Variants in GP2 observed in about 807,000 individuals in gnomAD.
GP2 encodes the protein glycoprotein 2.
GP2 carries 58 observed loss-of-function variants against 60.8 expected under a neutral mutation model. The ratio of observed to expected loss-of-function variants is 0.95; its 90% CI spans 0.77 to 1.19. The LOEUF (loss-of-function observed/expected upper bound fraction) is 1.19, where lower values mean the gene tolerates loss of function less well. GP2 is among the 50% of genes most tolerant of loss of function. GP2 has a pLI of 0.00. For missense variants in GP2, 647 were observed against 667.4 expected (o/e 0.97, Z 0.34); for synonymous variants, 280 against 253.4 (o/e 1.10, Z -1.00).
rs537038392 is a variant in GP2, at chr16:20,315,898, T to C, written c.1501+58A>G. 1.2e-4 allele frequency: 128 copies of C among 1,030,816 alleles called. 3 individuals carry two copies. In the South Asian group the frequency reaches 1.5e-3, roughly 12 times the overall value. 63.9% of individuals were successfully genotyped at this position (1,030,816 alleles called of 1,614,324 possible). ...AGTTGAGTTGGTGACCCCAGGCATC[T>C]GTGGTTAACTGTCAACACTCAGCCA... On this transcript the variant is annotated intron_variant, in intron 9 of 10. Coordinates refer to ENST00000302555, the MANE Select transcript of GP2 (RefSeq NM_001502.4).
rs563191166 is a variant in GP2, at chr16:20,327,470, C to T, written c.-40G>A. ...TGGGGCTTAAAGCAGGACTTACCTC[C>T]GATGAGAACACAAAGCGTTCCTCCT... On this transcript the variant is annotated 5_prime_UTR_variant, in exon 1 of 11. Transcript: ENST00000302555. The T allele has an allele frequency of 4.9e-5, 63 of 1,288,148 alleles. No homozygotes were observed. The highest frequency in any genetic ancestry group is 1.1e-4 in the African/African-American group (7 of 65,948). The allele number at this position is 1,288,148 out of a possible 1,614,324, so 79.8% of individuals were successfully genotyped here.
Position 20,323,972 on chromosome 16 carries a change from C to T in GP2, c.379G>A (p.Ala127Thr). 6.2e-7 allele frequency: 1 copy of T among 1,614,206 alleles called. No homozygotes were observed. Among genetic ancestry groups the T allele is most frequent in the South Asian group, 1.1e-5 (1 of 91,086 alleles). ...TGGTTGGTGATGCCATCCCCAAGGGCAGGGTGGGTCCCATTCAGCCACATG... is the reference window on the plus strand; with the variant it reads ...TGGTTGGTGATGCCATCCCCAAGGGTAGGGTGGGTCCCATTCAGCCACATG... ...APMWLNGTHP[A>T]LGDGITNHTA... The change falls in exon 3 of 11, where the codon GCC (alanine) becomes ACC (threonine). Residue 127 changes from alanine (A) to threonine (T), a missense_variant. By Grantham distance (58) the Ala-to-Thr change is moderately conservative (BLOSUM62 0). Coordinates refer to ENST00000302555, the MANE Select transcript of GP2 (RefSeq NM_001502.4).
chr16:20,320,954 CA>C (rs1964337612), intron 4 of GP2, among the ~76,000 whole-genome samples: 2 of 151,758 alleles, frequency 1.3e-5, no homozygotes, highest in South Asian at 4.2e-4. Flanking sequence ...ATAGGGGAGA[CA>C]AATAGTAAAC....
In GP2 at chr16:20,321,051, C is replaced by CTT. The variant is rs34930372; in HGVS notation, c.647-580_647-579dup. Reference sequence around the variant, plus strand: ...CCACATTATCTCTCTCTCTGTCTCTCTTTTTTTTTTTTTTTTTTAGACAGA... The same window carrying CTT: ...CCACATTATCTCTCTCTCTGTCTCTCTTTTTTTTTTTTTTTTTTTTAGACAGA... On this transcript the variant is annotated intron_variant, in intron 4 of 10. Coordinates refer to ENST00000302555, the MANE Select transcript of GP2 (RefSeq NM_001502.4). Among the ~76,000 whole-genome samples, 188 of 135,774 alleles carry CTT rather than the reference C, an allele frequency of 1.4e-3. 2 individuals carry two copies. Among genetic ancestry groups the CTT allele is most frequent in the Middle Eastern group, 0.012 (3 of 256 alleles). 89.1% of individuals were successfully genotyped at this position (135,774 alleles called of 152,430 possible).
chr16:20,323,479 T>G, intron 3 of GP2: 1 of 673,126 alleles, frequency 1.5e-6, no homozygotes, highest in African/African-American at 2.0e-5. Flanking sequence ...CTGTTATTTT[T>G]GCTGTACCCC....
At chr16:20,319,821 T>C in intron 5 of GP2, 53 bp from the exon 6 acceptor site, 1 of 1,384,992 alleles carries the variant, frequency 7.2e-7, no homozygotes, top group African/African-American at 1.4e-5. Flanking sequence ...TGTATGTAGG[T>C]GTATCTCAAA....
In GP2 at chr16:20,317,230, T is replaced by G. The variant is rs749368348; in HGVS notation, c.1399A>C (p.Asn467His). ...ACACTCACAGGCTGGCACTGTTCAT[T>G]AAGAGAATCACAGAGATGAATCTCA... ...HCEIHLCDSLNEQCQPSCSRS... is the reference protein window; with the variant it reads ...HCEIHLCDSLHEQCQPSCSRS... The change falls in exon 8 of 11, where the codon AAT (asparagine) becomes CAT (histidine). Residue 467 changes from asparagine to histidine, a missense_variant. Physicochemically the swap from Asn to His is moderately conservative, Grantham distance 68. Transcript: ENST00000302555. The G allele has an allele frequency of 6.2e-7, 1 of 1,613,362 alleles. No homozygotes were observed. The highest frequency in any genetic ancestry group is 1.1e-5 in the South Asian group (1 of 90,988).
At chr16:20,324,788 T>A (rs1363417249) in intron 2 of GP2, among the ~76,000 whole-genome samples, 1 of 152,270 alleles carries the variant, frequency 6.6e-6, no homozygotes, top group Non-Finnish European at 1.5e-5. Context: ...TTGCATTTTT[T>A]ACTTAATATA....
chr16:20,314,687 C>T lies in GP2; in HGVS notation c.1516G>A (p.Gly506Ser), dbSNP rs548202424. Residue 506 changes from glycine (G) to serine (S), a missense_variant, in exon 10 of 11, where the codon GGT (glycine) becomes AGT (serine). Transcript: ENST00000302555. ...GTGCTAGGGGTTCCATTCATGACAC[C>T]GGGAGACTGTGCACCTGTGAACAAG... ...PITRRGAQSP[G>S]VMNGTPSTAG... The T allele has an allele frequency of 5.0e-6, 8 of 1,605,788 alleles. No individual in the cohort carries two copies. Among genetic ancestry groups the T allele is most frequent in the East Asian group, 4.5e-5 (2 of 44,826 alleles).
chr16:20,322,676 T>C (rs1964400577), intron 4 of GP2, among the ~76,000 whole-genome samples, 193 bp downstream of exon 4: 1 of 152,072 alleles, frequency 6.6e-6, no homozygotes, highest in Admixed American at 6.5e-5. Flanking sequence ...GACCTGGAAA[T>C]TTGCTCCAAC....
chr16:20,313,036 G>C (rs146553659), intron 10 of GP2, among the ~76,000 whole-genome samples: 1 of 152,278 alleles, frequency 6.6e-6, no homozygotes, highest in Non-Finnish European at 1.5e-5. Flanking sequence ...ACGGAACATA[G>C]AGAGTCCATC....
At position 20,320,338 on chromosome 16, in the gene GP2, A is replaced by C; in HGVS notation, c.782T>G (p.Ile261Ser). Residue 261 changes from isoleucine to serine, a missense_variant, in exon 5 of 11, where the codon ATC (isoleucine) becomes AGC (serine). Physicochemically the swap from Ile to Ser is moderately radical, Grantham distance 142. Transcript: ENST00000302555. ...AYLRDPNCSS[I>S]LQTEERNWVS... ...CCAGTTCCTCTCCTCTGTCTGCAAG[A>C]TGCTGCTGCAGTTTGGGTCTCGCAG... 6.2e-7 allele frequency: 1 copy of C among 1,614,104 alleles called. No individual in the cohort carries two copies. The highest frequency in any genetic ancestry group is 8.5e-7 in the Non-Finnish European group (1 of 1,179,990).
intron 4 of GP2, 22 bp downstream of exon 4, chr16:20,322,847 A>C: frequency 7.7e-7 from 1 of 1,290,420 alleles, no homozygotes; most frequent in South Asian, 1.2e-5. Context: ...GATGGTAGTT[A>C]CTTGCCCAGT....
intron 7 of GP2, among the ~76,000 whole-genome samples, chr16:20,317,984 G>A (rs1964237548): frequency 1.3e-5 from 2 of 152,062 alleles, no homozygotes; most frequent in Admixed American, 1.3e-4. Context: ...ATATTGAAAT[G>A]GAAAATATTG....
In GP2 at chr16:20,317,208, C is replaced by G; in HGVS notation, c.1416+5G>C. The G allele has an allele frequency of 6.5e-7, 1 of 1,547,918 alleles. No individual in the cohort carries two copies. Among genetic ancestry groups the G allele is most frequent in the South Asian group, 1.1e-5 (1 of 89,762 alleles). On this transcript the variant is annotated splice_donor_5th_base_variant and intron_variant, in intron 8 of 10. Coordinates refer to ENST00000302555, the MANE Select transcript of GP2 (RefSeq NM_001502.4). ...CTGAAGAGTTCAGTTCAAAGAGACA[C>G]TCACAGGCTGGCACTGTTCATTAAG...
chr16:20,318,496 C>G, intron 6 of GP2, 66 bp from the exon 7 acceptor site: 2 of 1,450,608 alleles, frequency 1.4e-6, no homozygotes, highest in African/African-American at 2.8e-5. Context: ...CCTGCACTTA[C>G]TTAACACACT....
chr16:20,315,981 T>C lies in GP2; in HGVS notation c.1476A>G (p.Leu492=). ...CTCTCCGAGTGATGGGCCCCAAATCTAGAACCCGGGCTAGGTCGATGGCCG... is the reference window on the plus strand; with the variant it reads ...CTCTCCGAGTGATGGGCCCCAAATCCAGAACCCGGGCTAGGTCGATGGCCG... The part of the protein sequence containing the change: ...EVPAIDLARV[L]DLGPITRRGA... The change falls in exon 9 of 11, where the codon CTA becomes CTG. Residue 492 remains leucine (L), a synonymous_variant. Coordinates refer to ENST00000302555, the MANE Select transcript of GP2 (RefSeq NM_001502.4). 2 of 1,613,030 alleles carry C rather than the reference T, an allele frequency of 1.2e-6. No individual in the cohort carries two copies. Among genetic ancestry groups the C allele is most frequent in the Non-Finnish European group, 8.5e-7 (1 of 1,179,020 alleles).
chr16:20,320,282 C>A lies in GP2; in HGVS notation c.838G>T (p.Ala280Ser). ...VSVTSPVQAS[A>S]CRNILERNQT... is the part of the protein sequence containing the mutation. ...CTTACCTCCAGAATGTTCCTGCAGG[C>A]ACTAGCCTGGACGGGGCTGGTCACA... Residue 280 changes from alanine to serine, a missense_variant, in exon 5 of 11, where the codon GCC (alanine) becomes TCC (serine). Ala to Ser is a moderately conservative substitution (Grantham distance 99). Transcript: ENST00000302555. 1.2e-6 allele frequency: 2 copies of A among 1,613,540 alleles called. No homozygotes were observed. The highest frequency in any genetic ancestry group is 1.1e-5 in the South Asian group (1 of 91,066).
intron 4 of GP2, among the ~76,000 whole-genome samples, chr16:20,321,417 C>G (rs1004281900): frequency 6.6e-6 from 1 of 152,190 alleles, no homozygotes; most frequent in Non-Finnish European, 1.5e-5. Context: ...GGACTTGGCC[C>G]ATGAGGATTT....
Sources: allele counts gnomAD v4.1 joint callset (sites outside exome capture counted in the v4.1 genomes callset), GRCh38; gene constraint gnomAD v4.1.1; transcripts MANE v1.5; gene names NCBI Gene and HGNC (gene_info 2026-07-23, HGNC 2026-07-21).